Variants in KANK2 observed in about 807,000 individuals in gnomAD.
KANK2 encodes the protein KN motif and ankyrin repeat domains 2, also known as KN motif and ankyrin repeat domain-containing protein 2.
KANK2 carries 41 observed loss-of-function variants against 74.6 expected under a neutral mutation model. The observed-to-expected ratio is 0.55, with a 90% confidence interval of 0.43 to 0.71. The LOEUF (loss-of-function observed/expected upper bound fraction) is 0.71, where lower values mean the gene tolerates loss of function less well. Among genes scored for constraint, KANK2 ranks in the 30% least tolerant of loss-of-function variants. The pLI is 0.00. For synonymous variants in KANK2, 537 were observed against 519.0 expected (o/e 1.03, Z -0.47); for missense variants, 1,148 against 1,196.4 (o/e 0.96, Z 0.60).
At chr19:11,176,066 A>G in intron 7 of KANK2, 77 bp from the exon 8 acceptor site, 1 of 1,126,506 alleles carries the variant, frequency 8.9e-7, no homozygotes, top group Non-Finnish European at 1.3e-6. Flanking sequence ...ATTCTGCACC[A>G]CGTCACTCAC....
At chr19:11,172,926 G>C in intron 10 of KANK2, 55 bp downstream of exon 10, 1 of 1,583,528 alleles carries the variant, frequency 6.3e-7, no homozygotes, top group East Asian at 2.2e-5. Flanking sequence ...ACTCAGCTGG[G>C]ATGTCATAAA....
rs781564018 is a variant in KANK2 at position 11,175,874 on chromosome 19, C to G, written c.1848+28G>C. 5 of 1,596,056 alleles carry G rather than the reference C, an allele frequency of 3.1e-6. No individual in the cohort carries two copies. The African/African-American group carries it at 6.7e-5, about 21-fold the overall frequency. The stretch of plus-strand genomic sequence containing the variant: ...GTGGAGGTAGGGGTCCGGGGGGTGG[C>G]CAACCTAGGCCCAGGGCCAGATCGT... On this transcript the variant is annotated intron_variant, in intron 8 of 12. Coordinates refer to ENST00000586659, the MANE Select transcript of KANK2 (RefSeq NM_001136191.3).
In KANK2 at chr19:11,185,254, CACA is replaced by C. The variant is rs754431499; in HGVS notation, c.1250-6537_1250-6535del. ...GGGCAACATGGTGGAACCCCATCTC[CACA>C]ACAACAACAACAAAATTCCTGGGCT... On this transcript the variant is annotated intron_variant, in intron 4 of 12. Transcript: ENST00000586659. Among the ~76,000 whole-genome samples, 43 of 145,772 alleles carry C rather than the reference CACA, an allele frequency of 2.9e-4. 1 individual carries two copies. Among genetic ancestry groups the C allele is most frequent in the Admixed American group, 1.4e-3 (20 of 14,330 alleles).
Position 11,174,557 on chromosome 19 carries a change from T to G in KANK2, c.1984A>C (p.Ile662Leu), listed in dbSNP as rs766393609. Residue 662 changes from isoleucine to leucine, a missense_variant, in exon 9 of 13, where the codon ATC (isoleucine) becomes CTC (leucine). Physicochemically the swap from Ile to Leu is conservative, Grantham distance 5 (BLOSUM62 2). Coordinates refer to ENST00000586659, the MANE Select transcript of KANK2 (RefSeq NM_001136191.3). ...GCTGTGTTGCCGTTGCTGTCGGCGATGTTGACCACGTAGTCCAGCAGCCGC... is the reference window on the plus strand; with the variant it reads ...GCTGTGTTGCCGTTGCTGTCGGCGAGGTTGACCACGTAGTCCAGCAGCCGC... ...SARLLDYVVN[I>L]ADSNGNTALH... The G allele has an allele frequency of 6.2e-7, 1 of 1,613,622 alleles. No individual in the cohort carries two copies. The highest frequency in any genetic ancestry group is 1.3e-5 in the African/African-American group (1 of 74,934).
At chr19:11,185,333 C>A (rs754858007) in intron 4 of KANK2, among the ~76,000 whole-genome samples, 2 of 148,204 alleles carry the variant, frequency 1.3e-5, no homozygotes, top group Non-Finnish European at 1.5e-5. Flanking sequence ...TACAGCTGCA[C>A]GCCACCATGC....
At position 11,164,974 on chromosome 19, in the gene KANK2, G is replaced by A. The variant is rs1168046813; in HGVS notation, c.*1584C>T. 3.9e-5 allele frequency: 6 copies of A among 152,250 alleles called. No homozygotes were observed. Among genetic ancestry groups the A allele is most frequent in the African/African-American group, 7.2e-5 (3 of 41,544 alleles). 9.4% of individuals were successfully genotyped at this position (152,250 alleles called of 1,614,324 possible). A position where few individuals can be genotyped will look rare whatever the true frequency, so the allele number is the denominator to read the frequency against. On this transcript the variant is annotated 3_prime_UTR_variant, in exon 13 of 13. Transcript: ENST00000586659. Reference sequence around the variant, plus strand: ...CTTGGAGGCTGAGCTCACTGGCCTCGAAAGGGCAGCGCGCGTATTTGGTTT... The same window carrying A: ...CTTGGAGGCTGAGCTCACTGGCCTCAAAAGGGCAGCGCGCGTATTTGGTTT...
At chr19:11,187,243 C>T (rs1162554332) in intron 4 of KANK2, among the ~76,000 whole-genome samples, 1 of 150,710 alleles carries the variant, frequency 6.6e-6, no homozygotes, top group East Asian at 1.9e-4. Context: ...GGCAACAGAG[C>T]GAGATTCCAT....
chr19:11,165,995 GA>G lies in KANK2; in HGVS notation c.*562del, dbSNP rs2078014941. ...AATCTGTCTTGTGAAACAACCAGAA[GA>G]AAATTCCCCTAAGAAAGCCGTCTAG... On this transcript the variant is annotated 3_prime_UTR_variant, in exon 13 of 13. Coordinates refer to ENST00000586659, the MANE Select transcript of KANK2 (RefSeq NM_001136191.3). 1 of 152,626 alleles carries G rather than the reference GA, an allele frequency of 6.6e-6. No individual in the cohort carries two copies. Among genetic ancestry groups the G allele is most frequent in the Non-Finnish European group, 1.5e-5 (1 of 68,188 alleles). 9.5% of individuals were successfully genotyped at this position (152,626 alleles called of 1,614,324 possible).
At chr19:11,194,397 G>A (rs1263332336) in intron 3 of KANK2, 78 bp downstream of exon 3, 79 of 1,206,410 alleles carry the variant, frequency 6.5e-5, no homozygotes, top group Non-Finnish European at 8.2e-5. Flanking sequence ...AAAGTCCCCA[G>A]GGCAAGGTCC....
rs939192214 is a variant in KANK2 at position 11,176,092 on chromosome 19, A to G, written c.1761-103T>C. On this transcript the variant is annotated intron_variant, in intron 7 of 12. Transcript: ENST00000586659. ...CGTCACTCACAATAGGGTCACCTGA[A>G]TGGTGGCATCTCAGACCCTCCTTCA... 7.1e-6 allele frequency: 6 copies of G among 839,732 alleles called. No individual in the cohort carries two copies. The African/African-American group carries it at 8.4e-5, about 12-fold the overall frequency. 52.0% of individuals were successfully genotyped at this position (839,732 alleles called of 1,614,324 possible). A position where few individuals can be genotyped will look rare whatever the true frequency, so the allele number is the denominator to read the frequency against.
At chr19:11,168,152 G>A (rs531101856) in intron 12 of KANK2, among the ~76,000 whole-genome samples, 3 of 151,190 alleles carry the variant, frequency 2.0e-5, no homozygotes, top group African/African-American at 7.3e-5. Flanking sequence ...AAAGGCATGC[G>A]CCACCACACC....
intron 12 of KANK2, among the ~76,000 whole-genome samples, chr19:11,168,487 G>A (rs545616946): frequency 3.9e-5 from 6 of 151,988 alleles, no homozygotes; most frequent in African/African-American, 1.4e-4. Flanking sequence ...ATGTTGCCCA[G>A]GCTGGTCTCG....
In KANK2 at chr19:11,173,028, C is replaced by T. The variant is rs1462848008; in HGVS notation, c.2164G>A (p.Val722Ile). 1 of 1,614,090 alleles carries T rather than the reference C, an allele frequency of 6.2e-7. No homozygotes were observed. Among genetic ancestry groups the T allele is most frequent in the Non-Finnish European group, 8.5e-7 (1 of 1,180,006 alleles). ...TTGCCAAGCCGGAAGAGCTGAAGGA[C>T]AGTCTCGATGTCGTCCTGGGTCTTC... ...TLKTQDDIET[V>I]LQLFRLGNIN... Residue 722 changes from valine (V) to isoleucine (I), a missense_variant, in exon 10 of 13, where the codon GTC becomes ATC. Transcript: ENST00000586659.
chr19:11,173,358 G>A (rs528795360), intron 9 of KANK2, among the ~76,000 whole-genome samples: 1 of 152,084 alleles, frequency 6.6e-6, no homozygotes, highest in African/African-American at 2.4e-5. Flanking sequence ...TCTATATTTA[G>A]GGCTGAGAAT....
chr19:11,166,674 G>A (rs1182454423), intron 12 of KANK2, 63 bp from the exon 13 acceptor site: 12 of 1,499,246 alleles, frequency 8.0e-6, no homozygotes, highest in Middle Eastern at 3.4e-4. Flanking sequence ...AGGCGCCAAC[G>A]TGGTGGCTGG....
At chr19:11,181,116 A>AAAAT (rs2078504733) in intron 4 of KANK2, among the ~76,000 whole-genome samples, 1 of 146,018 alleles carries the variant, frequency 6.8e-6, no homozygotes, top group African/African-American at 2.6e-5. Context: ...AAAAAAAAAA[A>AAAAT]TTCTGGGAGA....
chr19:11,178,264 G>A, intron 6 of KANK2, 81 bp downstream of exon 6: 1 of 1,163,378 alleles, frequency 8.6e-7, no homozygotes, highest in Non-Finnish European at 1.1e-6. Flanking sequence ...TCAGAATGAG[G>A]TAATTAGGAG....
intron 1 of KANK2, chr19:11,196,757 A>G (rs895978634): frequency 6.6e-6 from 1 of 152,336 alleles, no homozygotes; most frequent in Non-Finnish European, 1.5e-5. Flanking sequence ...GGAATGGGGA[A>G]GGGGTGACAG....
At chr19:11,174,451 T>G (rs778875336) in intron 9 of KANK2, 22 bp downstream of exon 9, 8 of 1,578,802 alleles carry the variant, frequency 5.1e-6, no homozygotes, top group Non-Finnish European at 6.9e-6. Flanking sequence ...TAGAGCCGCC[T>G]CGTCCTCCCC....
Sources: allele counts gnomAD v4.1 joint callset (sites outside exome capture counted in the v4.1 genomes callset), GRCh38; gene constraint gnomAD v4.1.1; transcripts MANE v1.5; gene names NCBI Gene and HGNC (gene_info 2026-07-23, HGNC 2026-07-21).